ZCCHC17: variants seen among roughly 807,000 people sequenced by gnomAD.
The protein encoded by ZCCHC17 is zinc finger CCHC domain-containing protein 17.
In ZCCHC17, 18 loss-of-function variants were observed where a neutral mutation model predicts 30.6. That is an observed-to-expected ratio of 0.59 (90% CI 0.41 to 0.87). ZCCHC17 has a LOEUF of 0.87. Among genes scored for constraint, ZCCHC17 ranks in the 40% least tolerant of loss-of-function variants. The probability of loss-of-function intolerance (pLI) is 0.00; values close to 1 mark genes in which losing one functional copy is unlikely to be tolerated. For missense variants in ZCCHC17, 263 were observed against 284.2 expected, an observed-to-expected ratio of 0.93 and a Z score of 0.54; for synonymous variants, 88 against 92.4, an observed-to-expected ratio of 0.95 and a Z score of 0.27.
chr1:31,326,003 A>G (rs1239976694), intron 3 of ZCCHC17, among the ~76,000 whole-genome samples: 3 of 152,172 alleles, frequency 2.0e-5, no homozygotes, highest in Non-Finnish European at 2.9e-5. Flanking sequence ...AAAAAAAAAA[A>G]AAAAGAAAAA....
At chr1:31,356,013 G>A (rs532754895) in intron 7 of ZCCHC17, among the ~76,000 whole-genome samples, 1 of 152,320 alleles carries the variant, frequency 6.6e-6, no homozygotes, top group South Asian at 2.1e-4. Context: ...GAAGGAACAT[G>A]CCTTTAGCAG....
chr1:31,345,100 G>A (rs576776687), intron 5 of ZCCHC17, among the ~76,000 whole-genome samples: 22 of 151,256 alleles, frequency 1.5e-4, no homozygotes, highest in African/African-American at 5.1e-4. Context: ...GGGGAGGCAG[G>A]TAACTAGAAG....
chr1:31,321,126 A>T (rs539223834), intron 3 of ZCCHC17, among the ~76,000 whole-genome samples: 1 of 152,104 alleles, frequency 6.6e-6, no homozygotes, highest in African/African-American at 2.4e-5. Flanking sequence ...TCCTCACCCA[A>T]ATCTCATCTT....
At chr1:31,342,216 T>G (rs1478633555) in intron 5 of ZCCHC17, among the ~76,000 whole-genome samples, 2 of 152,128 alleles carry the variant, frequency 1.3e-5, no homozygotes, top group African/African-American at 4.8e-5. Flanking sequence ...GGCTAATTTT[T>G]GTATTTTTAG....
At chr1:31,332,867 C>T (rs1638643861) in intron 3 of ZCCHC17, among the ~76,000 whole-genome samples, 1 of 152,058 alleles carries the variant, frequency 6.6e-6, no homozygotes. Flanking sequence ...AGTGATCCAC[C>T]CGGCTCAGCC....
chr1:31,318,487 A>G (rs1646787726), intron 2 of ZCCHC17, among the ~76,000 whole-genome samples: 1 of 152,120 alleles, frequency 6.6e-6, no homozygotes, highest in Non-Finnish European at 1.5e-5. Context: ...CAGAAGACTG[A>G]GGGGACAACT....
At chr1:31,344,474 G>C (rs1639167127) in intron 5 of ZCCHC17, among the ~76,000 whole-genome samples, 1 of 152,124 alleles carries the variant, frequency 6.6e-6, no homozygotes, top group Non-Finnish European at 1.5e-5. Flanking sequence ...CTTACTAGCT[G>C]TACTGAAAAA....
intron 7 of ZCCHC17, among the ~76,000 whole-genome samples, chr1:31,355,035 C>T (rs1467716320): frequency 5.3e-5 from 8 of 152,026 alleles, no homozygotes; most frequent in African/African-American, 1.7e-4. Flanking sequence ...ATTAGCCAGG[C>T]GTGGTGGCGA....
intron 1 of ZCCHC17, 149 bp downstream of exon 1, chr1:31,297,224 G>C: frequency 2.5e-6 from 1 of 399,606 alleles, no homozygotes; most frequent in East Asian, 3.6e-5. Context: ...GTAAGTAGTA[G>C]CCTGGGCTCC....
At chr1:31,343,688 ATTT>A (rs10718784) in intron 5 of ZCCHC17, among the ~76,000 whole-genome samples, 174 of 131,998 alleles carry the variant, frequency 1.3e-3, no homozygotes, top group Non-Finnish European at 1.4e-3. Context: ...GTAGTATATA[ATTT>A]TTTTTTTTTT....
chr1:31,302,378 T>C (rs144911738), intron 1 of ZCCHC17, among the ~76,000 whole-genome samples: 1 of 148,316 alleles, frequency 6.7e-6, no homozygotes, highest in East Asian at 1.9e-4. Flanking sequence ...CTCAGTTCAC[T>C]CATTTAAAAA....
At chr1:31,332,981 TA>T (rs1458513261) in intron 3 of ZCCHC17, 8 of 152,306 alleles carry the variant, frequency 5.3e-5, no homozygotes, top group South Asian at 4.1e-4. Flanking sequence ...ATGTTGAGAT[TA>T]AGATTATACT....
intron 5 of ZCCHC17, among the ~76,000 whole-genome samples, chr1:31,341,470 C>T (rs146102166): frequency 3.5e-4 from 54 of 152,300 alleles, no homozygotes; most frequent in Admixed American, 7.2e-4. Context: ...AAAGAGCTAA[C>T]CCTGTTTCTC....
At chr1:31,355,877 T>G (rs999149175) in intron 7 of ZCCHC17, among the ~76,000 whole-genome samples, 1 of 152,180 alleles carries the variant, frequency 6.6e-6, no homozygotes, top group South Asian at 2.1e-4. Context: ...CAGCAGGAGG[T>G]TGGTTTTCCT....
chr1:31,319,228 C>G (rs1646805697), intron 3 of ZCCHC17, 62 bp downstream of exon 3: 3 of 1,372,406 alleles, frequency 2.2e-6, no homozygotes, highest in Non-Finnish European at 3.1e-6. Context: ...ACTCCACCAC[C>G]TCCTAATTAT....
At chr1:31,347,113 T>C (rs1390731259) in intron 6 of ZCCHC17, among the ~76,000 whole-genome samples, 2 of 152,198 alleles carry the variant, frequency 1.3e-5, no homozygotes, top group Non-Finnish European at 1.5e-5. Flanking sequence ...CTTAGACATA[T>C]ATAACTTAAA....
chr1:31,355,810 A>G (rs562762817), intron 7 of ZCCHC17, among the ~76,000 whole-genome samples: 32 of 152,262 alleles, frequency 2.1e-4, no homozygotes, highest in African/African-American at 7.5e-4. Flanking sequence ...TCTGCTCACA[A>G]CTGTAAATCA....
At chr1:31,361,786 A>ATTGATTAT (rs1639907670) in intron 7 of ZCCHC17, among the ~76,000 whole-genome samples, 1 of 145,814 alleles carries the variant, frequency 6.9e-6, no homozygotes, top group African/African-American at 2.5e-5. Context: ...AGAGGGGGAG[A>ATTGATTAT]TTATTTATTT....
chr1:31,357,209 G>T (rs1396435772), intron 7 of ZCCHC17, among the ~76,000 whole-genome samples: 2 of 152,158 alleles, frequency 1.3e-5, no homozygotes, highest in African/African-American at 4.8e-5. Context: ...TGTTGGCTCT[G>T]TCCTGCTGTC....
Sources: gnomAD v4.1 joint callset for allele counts (sites outside exome capture counted in the v4.1 genomes callset) on GRCh38, gnomAD v4.1.1 for gene constraint, MANE v1.5 for transcripts, NCBI Gene and HGNC (gene_info 2026-07-23, HGNC 2026-07-21) for gene names.